The following RNF138 variants were observed in gnomAD, a reference collection of about 807,000 sequenced individuals.
The protein encoded by RNF138 is ring finger protein 138.
In RNF138, 12 loss-of-function variants were observed where a neutral mutation model predicts 31.0. The ratio of observed to expected loss-of-function variants is 0.39; its 90% CI spans 0.25 to 0.63. The LOEUF (loss-of-function observed/expected upper bound fraction) is 0.63. RNF138 is among the 20% of genes least tolerant of loss of function. The pLI is 0.52. For missense variants in RNF138, 192 were observed against 300.1 expected (o/e 0.64, Z 2.66); for synonymous variants, 105 against 99.5 (o/e 1.06, Z -0.33).
intron 2 of RNF138, among the ~76,000 whole-genome samples, chr18:32,104,159 A>T (rs1003286157): frequency 6.6e-6 from 1 of 151,670 alleles, no homozygotes; most frequent in African/African-American, 2.4e-5. Context: ...GATTACAGGT[A>T]TATGCCACCA....
intron 4 of RNF138, among the ~76,000 whole-genome samples, chr18:32,116,210 T>G (rs564803346): frequency 1.3e-5 from 2 of 152,276 alleles, no homozygotes; most frequent in East Asian, 3.9e-4. Context: ...ACCAGTAATA[T>G]CCCAACCTGC....
intron 4 of RNF138, among the ~76,000 whole-genome samples, chr18:32,122,678 G>A (rs531202346): frequency 2.6e-5 from 4 of 152,234 alleles, no homozygotes; most frequent in African/African-American, 9.6e-5. Context: ...ACAAAAATTA[G>A]CCGGTCATGG....
intron 2 of RNF138, among the ~76,000 whole-genome samples, chr18:32,093,444 C>G (rs1189512794): frequency 1.3e-5 from 2 of 152,192 alleles, no homozygotes; most frequent in Non-Finnish European, 2.9e-5. Flanking sequence ...CCCTGCTTCA[C>G]AGAACACCCT....
intron 4 of RNF138, among the ~76,000 whole-genome samples, chr18:32,121,850 T>C (rs2040310820): frequency 6.6e-6 from 1 of 152,180 alleles, no homozygotes; most frequent in Non-Finnish European, 1.5e-5. Flanking sequence ...AAATAGTAGT[T>C]TAATAGTCTT....
intron 4 of RNF138, among the ~76,000 whole-genome samples, chr18:32,116,531 T>A (rs528459510): frequency 2.7e-4 from 41 of 151,304 alleles, no homozygotes; most frequent in East Asian, 5.8e-4. Context: ...TTTTTTTTTT[T>A]AAATTTTTAA....
rs911681488 is a variant in RNF138, at chr18:32,092,723, C to A, written c.-54C>A. 2 of 1,187,418 alleles carry A rather than the reference C, an allele frequency of 1.7e-6. No homozygotes were observed. The highest frequency in any genetic ancestry group is 1.3e-5 in the South Asian group (1 of 75,694). The allele number at this position is 1,187,418 out of a possible 1,614,324, so 73.6% of individuals were successfully genotyped here. On this transcript the variant is annotated 5_prime_UTR_variant, in exon 2 of 8. Transcript: ENST00000261593. The stretch of plus-strand genomic sequence containing the variant: ...AGGGAGTCGGGCCCCGGGCCGCCAC[C>A]GTCACCTCGGCCGCTGCCGCTGTCG...
chr18:32,125,036 C>T (rs751914942), intron 6 of RNF138, 191 bp downstream of exon 6: 9 of 518,992 alleles, frequency 1.7e-5, no homozygotes, highest in Non-Finnish European at 2.8e-5. Flanking sequence ...CAGTAACTCT[C>T]ATTATAAAAA....
intron 2 of RNF138, among the ~76,000 whole-genome samples, chr18:32,101,937 C>T (rs1263231986): frequency 6.6e-6 from 1 of 152,000 alleles, no homozygotes; most frequent in Non-Finnish European, 1.5e-5. Context: ...AGTGCAGGGG[C>T]ATAATCACGG....
chr18:32,105,685 C>G (rs1471673025), intron 2 of RNF138, among the ~76,000 whole-genome samples: 6 of 152,136 alleles, frequency 3.9e-5, no homozygotes, highest in Non-Finnish European at 7.3e-5. Context: ...GTGGGGAATT[C>G]TTAAGACTGC....
chr18:32,093,105 GCTCCCGCT>G (rs71177843), intron 2 of RNF138, among the ~76,000 whole-genome samples: 30,292 of 149,472 alleles, frequency 0.2, 3,197 homozygotes, highest in East Asian at 0.32. Context: ...CTCAGCCCAA[GCTCCCGCT>G]CTCCCGCTCT....
chr18:32,124,501 C>G (rs1310682513), intron 5 of RNF138: 5 of 421,956 alleles, frequency 1.2e-5, no homozygotes, highest in Non-Finnish European at 2.1e-5. Flanking sequence ...TTGTTTTGGC[C>G]TAGAGGTGCC....
chr18:32,122,147 G>A (rs1036360153), intron 4 of RNF138, among the ~76,000 whole-genome samples: 4 of 152,140 alleles, frequency 2.6e-5, no homozygotes, highest in African/African-American at 9.7e-5. Flanking sequence ...GATTACAGGT[G>A]TGAGCCACTG....
intron 4 of RNF138, among the ~76,000 whole-genome samples, chr18:32,118,836 A>G (rs556331747): frequency 1.3e-5 from 2 of 152,168 alleles, no homozygotes; most frequent in East Asian, 3.9e-4. Flanking sequence ...TCTCAAAAAA[A>G]AAGAAAATAA....
intron 4 of RNF138, among the ~76,000 whole-genome samples, chr18:32,118,771 G>C (rs984365241): frequency 6.6e-6 from 1 of 152,102 alleles, no homozygotes; most frequent in African/African-American, 2.4e-5. Context: ...CAAGGTTGCA[G>C]TGAGTCGGGA....
In RNF138 at chr18:32,123,507, T is replaced by C; in HGVS notation, c.393-11T>C. 1 of 1,560,038 alleles carries C rather than the reference T, an allele frequency of 6.4e-7. No homozygotes were observed. ...TTTGAGGTATTAACTTTTTCCCCTG[T>C]GCTTCTTAAGCAATAGGAGTGAAAC... On this transcript the variant is annotated splice_polypyrimidine_tract_variant and intron_variant, in intron 4 of 7. Transcript: ENST00000261593.
chr18:32,101,270 A>G (rs1329837852), intron 2 of RNF138, among the ~76,000 whole-genome samples: 1 of 149,080 alleles, frequency 6.7e-6, no homozygotes, highest in African/African-American at 2.5e-5. Flanking sequence ...GCTGGAGTGC[A>G]GTGGCACACG....
chr18:32,114,443 T>TA (rs2040182623), intron 4 of RNF138, among the ~76,000 whole-genome samples: 1 of 152,130 alleles, frequency 6.6e-6, no homozygotes, highest in South Asian at 2.1e-4. Context: ...ACTTGTGGTT[T>TA]AAAAAAATAA....
At chr18:32,125,575 AT>A (rs2144291327) in intron 6 of RNF138, among the ~76,000 whole-genome samples, 1 of 152,356 alleles carries the variant, frequency 6.6e-6, no homozygotes, top group East Asian at 1.9e-4. Context: ...GGAAAATGTT[AT>A]CAATAAGAAC....
chr18:32,100,695 C>T (rs1158791404), intron 2 of RNF138, among the ~76,000 whole-genome samples: 4 of 152,044 alleles, frequency 2.6e-5, no homozygotes, highest in South Asian at 2.1e-4. Flanking sequence ...AGGCTGGTCT[C>T]GAACTCCCAA....
Sources: allele counts gnomAD v4.1 joint callset (sites outside exome capture counted in the v4.1 genomes callset), GRCh38; gene constraint gnomAD v4.1.1; transcripts MANE v1.5; gene names NCBI Gene and HGNC (gene_info 2026-07-23, HGNC 2026-07-21).